DDX60: variants seen among roughly 807,000 people sequenced by gnomAD.
DDX60 encodes probable ATP-dependent RNA helicase DDX60.
A neutral mutation model predicts 212.8 loss-of-function variants in DDX60; 165 were observed. The observed-to-expected ratio is 0.78, with a 90% CI of 0.68 to 0.88. DDX60 has a LOEUF of 0.88. Ranked by LOEUF, DDX60 falls within the 40% of genes least tolerant of loss-of-function variation. The pLI, the probability that DDX60 is intolerant of heterozygous loss-of-function variation, is 0.00. For synonymous variants in DDX60, 703 were observed against 685.3 expected (o/e 1.03, Z -0.40); for missense variants, 1,905 against 2,003.9 (o/e 0.95, Z 0.94).
At chr4:168,276,591 A>T (rs74410059) in intron 14 of DDX60, among the ~76,000 whole-genome samples, 1 of 152,360 alleles carries the variant, frequency 6.6e-6, no homozygotes, top group East Asian at 1.9e-4. Flanking sequence ...TTGACCACAG[A>T]TAAGTATTTG....
At chr4:168,263,429 T>C (rs1734706540) in intron 22 of DDX60, 1 of 152,238 alleles carries the variant, frequency 6.6e-6, no homozygotes, top group Non-Finnish European at 1.5e-5. Context: ...CTGGTTTCAA[T>C]CACTACTGCT....
At chr4:168,236,411 G>A in intron 32 of DDX60, 38 bp from the exon 33 acceptor site, 1 of 1,496,650 alleles carries the variant, frequency 6.7e-7, no homozygotes, top group Non-Finnish European at 9.0e-7. Flanking sequence ...AATATGAAAG[G>A]GTATAATTCT....
intron 33 of DDX60, among the ~76,000 whole-genome samples, chr4:168,234,064 T>C (rs1238692509): frequency 6.6e-6 from 1 of 152,058 alleles, no homozygotes; most frequent in Non-Finnish European, 1.5e-5. Flanking sequence ...CTAGCTTCCA[T>C]TATTTTGATT....
chr4:168,282,007 AAAC>A (rs556041523), intron 13 of DDX60, among the ~76,000 whole-genome samples: 30 of 152,286 alleles, frequency 2.0e-4, no homozygotes, highest in South Asian at 1.7e-3. Context: ...ACATCTCTCA[AAAC>A]AACAACAACA....
intron 6 of DDX60, among the ~76,000 whole-genome samples, chr4:168,299,308 T>C (rs538494549): frequency 2.0e-5 from 3 of 151,680 alleles, no homozygotes; most frequent in South Asian, 2.1e-4. Context: ...CAGCATAATC[T>C]ATGGGCTATA....
In DDX60 at chr4:168,287,113, C is replaced by T; in HGVS notation, c.1274G>A (p.Gly425Glu). The part of the protein sequence containing the change: ...VSKLVRDFEV[G>E]QPFPLRTTKV... The stretch of plus-strand genomic sequence containing the variant: ...TGTTGTTCTCAGAGGAAATGGCTGT[C>T]CAACCTCAAAGTCTCTGACCAACTT... Residue 425 changes from glycine to glutamate, a missense_variant, in exon 10 of 38, where the codon GGA (glycine) becomes GAA (glutamate). Gly to Glu is a moderately conservative substitution (Grantham distance 98). Coordinates refer to ENST00000393743, the MANE Select transcript of DDX60 (RefSeq NM_017631.6). The T allele has an allele frequency of 6.2e-7, 1 of 1,612,768 alleles. No homozygotes were observed. Among genetic ancestry groups the T allele is most frequent in the Non-Finnish European group, 8.5e-7 (1 of 1,179,562 alleles).
intron 12 of DDX60, 98 bp from the exon 13 acceptor site, chr4:168,283,704 TGGAAA>T: frequency 1.2e-5 from 10 of 817,854 alleles, no homozygotes; most frequent in South Asian, 2.3e-5. Flanking sequence ...GTTAAATTAG[TGGAAA>T]AGTAATTTAA....
intron 10 of DDX60, among the ~76,000 whole-genome samples, chr4:168,286,423 G>GAGATAGATAGATAGAC (rs1735856970): frequency 7.3e-6 from 1 of 136,828 alleles, no homozygotes; most frequent in African/African-American, 2.8e-5. Context: ...CACACCACAC[G>GAGATAGATAGATAGAC]AGATAGATAG....
chr4:168,233,011 C>CA (rs1733508811), intron 33 of DDX60, among the ~76,000 whole-genome samples: 1 of 151,326 alleles, frequency 6.6e-6, no homozygotes, highest in Non-Finnish European at 1.5e-5. Flanking sequence ...AAAGCAGCAA[C>CA]AAAAAAACAA....
intron 30 of DDX60, among the ~76,000 whole-genome samples, chr4:168,244,483 T>C (rs1733956140): frequency 6.6e-6 from 1 of 152,026 alleles, no homozygotes; most frequent in African/African-American, 2.4e-5. Context: ...TCCCAGTACT[T>C]TGGGAGGCTA....
Position 168,224,390 on chromosome 4 carries a change from C to A in DDX60, c.4682-5G>T. The A allele has an allele frequency of 6.2e-7, 1 of 1,610,732 alleles. No homozygotes were observed. The highest frequency in any genetic ancestry group is 1.1e-5 in the South Asian group (1 of 90,926). On this transcript the variant is annotated splice_polypyrimidine_tract_variant and splice_region_variant and intron_variant, in intron 34 of 37. Coordinates refer to ENST00000393743, the MANE Select transcript of DDX60 (RefSeq NM_017631.6). ...CACATTCTTTACCTGTGAATTCTGA[C>A]AATAATAGTTAGGGATAGATTAGTG...
intron 35 of DDX60, 109 bp downstream of exon 35, chr4:168,224,134 T>C: frequency 2.5e-6 from 3 of 1,213,386 alleles, no homozygotes; most frequent in Non-Finnish European, 3.5e-6. Context: ...CCCAGATTTT[T>C]TTTTTCCTTT....
intron 1 of DDX60, among the ~76,000 whole-genome samples, chr4:168,312,738 A>ATAGATAGATAGATAGATAGATAGG (rs1490843394): frequency 6.6e-6 from 1 of 152,146 alleles, no homozygotes; most frequent in African/African-American, 2.4e-5. Flanking sequence ...AGATAGATAG[A>ATAGATAGATAGATAGATAGATAGG]TAGATAGATA....
chr4:168,296,638 C>T (rs534819921), intron 6 of DDX60, among the ~76,000 whole-genome samples: 2 of 151,668 alleles, frequency 1.3e-5, no homozygotes, highest in Admixed American at 6.6e-5. Context: ...TGGATTAAAT[C>T]GAATTAAAGT....
At chr4:168,289,751 AG>A (rs1326891154) in intron 8 of DDX60, among the ~76,000 whole-genome samples, 3 of 152,162 alleles carry the variant, frequency 2.0e-5, no homozygotes, top group Non-Finnish European at 4.4e-5. Context: ...CCAGGGGTCT[AG>A]GAACTATTTG....
intron 10 of DDX60, among the ~76,000 whole-genome samples, chr4:168,286,394 A>ACC (rs1735852275): frequency 8.0e-6 from 1 of 124,528 alleles, no homozygotes; most frequent in Non-Finnish European, 1.6e-5. Flanking sequence ...TTTTATACAC[A>ACC]CACACACACA....
At chr4:168,321,561 C>A (rs1407033043), upstream of DDX60, among the ~76,000 whole-genome samples, 1 of 152,160 alleles carries the variant, frequency 6.6e-6, no homozygotes, top group Non-Finnish European at 1.5e-5. Flanking sequence ...CAATTCAGCA[C>A]TTTACCATTC....
At chr4:168,230,480 A>G (rs1733410000) in intron 33 of DDX60, among the ~76,000 whole-genome samples, 1 of 151,842 alleles carries the variant, frequency 6.6e-6, no homozygotes, top group Non-Finnish European at 1.5e-5. Context: ...AACAAGCCTC[A>G]ATAAGTGATC....
chr4:168,248,390 A>G (rs1404790991), intron 28 of DDX60, 98 bp from the exon 29 acceptor site: 10 of 804,658 alleles, frequency 1.2e-5, no homozygotes, highest in Admixed American at 3.2e-5. Flanking sequence ...TTGAGCTTCA[A>G]TTAAGCCACA....
Sources: gnomAD v4.1 joint callset for allele counts (sites outside exome capture counted in the v4.1 genomes callset) on GRCh38, gnomAD v4.1.1 for gene constraint, MANE v1.5 for transcripts, NCBI Gene and HGNC (gene_info 2026-07-23, HGNC 2026-07-21) for gene names.